Variants in CCNB1 observed in about 807,000 individuals in gnomAD.
The protein encoded by CCNB1 is G2/mitotic-specific cyclin-B1.
Under a neutral mutation model 44.4 loss-of-function variants are expected in CCNB1, and 26 were observed. The observed-to-expected ratio is 0.59, with a 90% CI of 0.43 to 0.81. The LOEUF (loss-of-function observed/expected upper bound fraction) is 0.81. Ranked by LOEUF, CCNB1 falls within the 40% of genes least tolerant of loss-of-function variation. The pLI, the probability that CCNB1 is intolerant of heterozygous loss-of-function variation, is 0.00. For missense variants in CCNB1, 477 were observed against 520.9 expected, an observed-to-expected ratio of 0.92 and a Z score of 0.82; for synonymous variants, 195 against 181.4, an observed-to-expected ratio of 1.08 and a Z score of -0.60.
At chr5:69,176,585 T>C (rs1747599212) in intron 7 of CCNB1, among the ~76,000 whole-genome samples, 2 of 150,512 alleles carry the variant, frequency 1.3e-5, no homozygotes, top group South Asian at 4.2e-4. Context: ...TTAGCCAGGA[T>C]GGTCTTGATC....
Position 69,167,238 on chromosome 5 carries a change from G to A in CCNB1, c.-25G>A. On this transcript the variant is annotated 5_prime_UTR_variant, in exon 1 of 9. Coordinates refer to ENST00000256442, the MANE Select transcript of CCNB1 (RefSeq NM_031966.4). ...CCGGTGTTCTGCTTCTCCCCGCTGA[G>A]CTGCTGCCTGGTGAAGAGGAAGCCA... is the stretch of plus-strand genomic sequence containing the variant. 1 of 1,562,352 alleles carries A rather than the reference G, an allele frequency of 6.4e-7. No individual in the cohort carries two copies. Among genetic ancestry groups the A allele is most frequent in the Non-Finnish European group, 8.7e-7 (1 of 1,153,870 alleles).
At chr5:69,168,715 T>C (rs1747394931) in intron 3 of CCNB1, among the ~76,000 whole-genome samples, 1 of 152,216 alleles carries the variant, frequency 6.6e-6, no homozygotes, top group Admixed American at 6.5e-5. Flanking sequence ...AAAGGCTTTG[T>C]TATCCAACTA....
chr5:69,168,321 A>G lies in CCNB1; in HGVS notation c.341A>G (p.Lys114Arg), dbSNP rs776785541. The change falls in exon 3 of 9, where the codon AAA (lysine) becomes AGA (arginine). Residue 114 changes from lysine to arginine, a missense_variant. Lys to Arg is a conservative substitution (Grantham distance 26). Transcript: ENST00000256442. ...GAACCTGAGCCTGTTAAAGAAGAAAAACTTTCGCCTGAGCCTATTTTGGTA... is the reference window on the plus strand; with the variant it reads ...GAACCTGAGCCTGTTAAAGAAGAAAGACTTTCGCCTGAGCCTATTTTGGTA... ...EPEPEPVKEE[K>R]LSPEPILVDT... 4 of 1,614,012 alleles carry G rather than the reference A, an allele frequency of 2.5e-6. No homozygotes were observed. Among genetic ancestry groups the G allele is most frequent in the Admixed American group, 1.7e-5 (1 of 60,002 alleles).
At chr5:69,175,621 C>A in intron 7 of CCNB1, 84 bp downstream of exon 7, 1 of 1,270,336 alleles carries the variant, frequency 7.9e-7, no homozygotes, top group Non-Finnish European at 1.1e-6. Flanking sequence ...AAAGGCAATT[C>A]AAGTGGTTCA....
At chr5:69,173,988 C>G (rs376768) in intron 4 of CCNB1, among the ~76,000 whole-genome samples, 65,596 of 151,602 alleles carry the variant, frequency 0.43, 14,195 homozygotes, top group South Asian at 0.55. Context: ...AGGCTGGTCT[C>G]GAACTCCTGG....
At chr5:69,176,910 G>A (rs531903650) in intron 7 of CCNB1, among the ~76,000 whole-genome samples, 54 of 151,818 alleles carry the variant, frequency 3.6e-4, no homozygotes, top group African/African-American at 7.0e-4. Context: ...ACCTGGGGGC[G>A]GAGGTTGCAG....
chr5:69,170,027 G>A (rs1005199228), intron 3 of CCNB1, among the ~76,000 whole-genome samples: 2 of 150,414 alleles, frequency 1.3e-5, no homozygotes, highest in Non-Finnish European at 3.0e-5. Context: ...ACAATGGCAC[G>A]ATCTTGGCTC....
intron 1 of CCNB1, 72 bp downstream of exon 1, chr5:69,167,355 G>T: frequency 6.4e-7 from 1 of 1,560,858 alleles, no homozygotes; most frequent in East Asian, 2.3e-5. Flanking sequence ...TCGCCTGCGG[G>T]AGCCTCCCGA....
At chr5:69,173,003 G>C (rs1018091392) in intron 4 of CCNB1, among the ~76,000 whole-genome samples, 2 of 151,572 alleles carry the variant, frequency 1.3e-5, no homozygotes, top group Non-Finnish European at 2.9e-5. Context: ...TCAATCTCCT[G>C]ACCTCATGAT....
In CCNB1 at chr5:69,171,332, G is replaced by T. The variant is rs1747455241; in HGVS notation, c.426G>T (p.Leu142=). 4.3e-6 allele frequency: 7 copies of T among 1,613,984 alleles called. No homozygotes were observed. The South Asian group carries it at 7.7e-5, about 18-fold the overall frequency. Residue 142 remains leucine, a synonymous_variant, in exon 4 of 9, where the codon CTG becomes CTT. Transcript: ENST00000256442. ...TSGCAPAEED[L]CQAFSDVILA... is the part of the protein sequence containing the mutation. ...GATGTGCCCCTGCAGAAGAAGACCT[G>T]TGTCAGGCTTTCTCTGATGTAATTC...
At chr5:69,173,303 T>G (rs1271392092) in intron 4 of CCNB1, among the ~76,000 whole-genome samples, 9 of 152,190 alleles carry the variant, frequency 5.9e-5, no homozygotes, top group Non-Finnish European at 1.2e-4. Flanking sequence ...GGCTTGGGTA[T>G]GTATACATTT....
chr5:69,176,099 G>A (rs1172080347), intron 7 of CCNB1, among the ~76,000 whole-genome samples: 2 of 149,302 alleles, frequency 1.3e-5, no homozygotes, highest in Non-Finnish European at 3.0e-5. Flanking sequence ...TATTACCCAG[G>A]CTGGTCTTGA....
chr5:69,174,770 G>GTAAT, intron 5 of CCNB1, 107 bp from the exon 6 acceptor site: 1 of 770,274 alleles, frequency 1.3e-6, no homozygotes, highest in Non-Finnish European at 2.1e-6. Flanking sequence ...GGGATATGGT[G>GTAAT]TCATTAAGAT....
At chr5:69,170,454 A>G (rs1747434986) in intron 3 of CCNB1, among the ~76,000 whole-genome samples, 2 of 152,200 alleles carry the variant, frequency 1.3e-5, no homozygotes, top group Non-Finnish European at 1.5e-5. Flanking sequence ...AGTAGTCAGG[A>G]TAGAATTTGT....
chr5:69,174,388 C>T lies in CCNB1; in HGVS notation c.684C>T (p.Ser228=). The stretch of plus-strand genomic sequence containing the variant: ...AGGAGACCATGTACATGACTGTCTC[C>T]ATTATTGATCGGTTCATGCAGGTGA... The part of the protein sequence containing the change: ...LLQETMYMTV[S]IIDRFMQNNC... The change falls in exon 5 of 9, where the codon TCC becomes TCT. Residue 228 remains serine, a synonymous_variant. Coordinates refer to ENST00000256442, the MANE Select transcript of CCNB1 (RefSeq NM_031966.4). 6.2e-7 allele frequency: 1 copy of T among 1,613,986 alleles called. No individual in the cohort carries two copies. The highest frequency in any genetic ancestry group is 2.2e-5 in the East Asian group (1 of 44,868).
chr5:69,176,205 T>C (rs1313373651), intron 7 of CCNB1, among the ~76,000 whole-genome samples: 3 of 151,150 alleles, frequency 2.0e-5, no homozygotes, highest in African/African-American at 4.9e-5. Flanking sequence ...TCCATTTCTT[T>C]CCCTGATTTC....
At chr5:69,169,740 C>A (rs894094862) in intron 3 of CCNB1, among the ~76,000 whole-genome samples, 3 of 152,126 alleles carry the variant, frequency 2.0e-5, no homozygotes, top group African/African-American at 7.2e-5. Flanking sequence ...ACAACCTCTG[C>A]CTCCCGAGTT....
intron 4 of CCNB1, among the ~76,000 whole-genome samples, chr5:69,173,213 G>A (rs1747502968): frequency 6.6e-6 from 1 of 152,186 alleles, no homozygotes; most frequent in Admixed American, 6.5e-5. Context: ...GGTGACTGAT[G>A]AGGGGGAATT....
In CCNB1 at chr5:69,167,912, C is replaced by A; in HGVS notation, c.26C>A (p.Ser9Ter). 1 of 1,608,664 alleles carries A rather than the reference C, an allele frequency of 6.2e-7. No homozygotes were observed. Among genetic ancestry groups the A allele is most frequent in the South Asian group, 1.1e-5 (1 of 90,372 alleles). Residue 9 changes from serine (S) to a stop codon, truncating the protein, a stop_gained, in exon 2 of 9, where the codon TCG becomes TAG. Coordinates refer to ENST00000256442, the MANE Select transcript of CCNB1 (RefSeq NM_031966.4). LOFTEE classifies it high-confidence loss of function. ...AAGTGGTCTTGCTTCTTTCAGAACT[C>A]GAAAATTAATGCTGAAAATAAGGCG... MALRVTRN[S>*]KINAENKAKI...
Sources: allele counts gnomAD v4.1 joint callset (sites outside exome capture counted in the v4.1 genomes callset), GRCh38; gene constraint gnomAD v4.1.1; transcripts MANE v1.5; gene names NCBI Gene and HGNC (gene_info 2026-07-23, HGNC 2026-07-21).